SLC13A2: variants seen among roughly 807,000 people sequenced by gnomAD.
The protein encoded by SLC13A2 is Na(+)-coupled citrate transporter.
A neutral mutation model predicts 58.5 loss-of-function variants in SLC13A2; 40 were observed. That is an observed-to-expected ratio of 0.68 (90% CI 0.53 to 0.89). The LOEUF (loss-of-function observed/expected upper bound fraction) is 0.89. Ranked by LOEUF, SLC13A2 falls within the 40% of genes least tolerant of loss-of-function variation. The pLI is 0.00. For missense variants in SLC13A2, 694 were observed against 772.6 expected (o/e 0.90, Z 1.21); for synonymous variants, 341 against 331.6 (o/e 1.03, Z -0.31).
chr17:28,476,545 C>T (rs1297007160), intron 1 of SLC13A2, among the ~76,000 whole-genome samples: 4 of 152,014 alleles, frequency 2.6e-5, no homozygotes, highest in Non-Finnish European at 4.4e-5. Flanking sequence ...ACCTCTCGCT[C>T]ACTCTCCCCC....
rs1555604124 is a variant in SLC13A2 at position 28,493,999 on chromosome 17, C to T, written c.1098-18C>T. ...CAAGCGGCTAACCCAGCCCTCCCCG[C>T]GCCCCCTCCACCAACAGCATGGTGT... On this transcript the variant is annotated intron_variant, in intron 7 of 11. Coordinates refer to ENST00000314669, the MANE Select transcript of SLC13A2 (RefSeq NM_003984.4). The T allele has an allele frequency of 2.0e-5, 32 of 1,611,284 alleles. No homozygotes were observed. The highest frequency in any genetic ancestry group is 2.5e-5 in the Non-Finnish European group (30 of 1,177,672).
At chr17:28,479,334 C>T (rs2068742727) in intron 1 of SLC13A2, among the ~76,000 whole-genome samples, 1 of 152,198 alleles carries the variant, frequency 6.6e-6, no homozygotes, top group African/African-American at 2.4e-5. Context: ...AGGGATTAAG[C>T]AAGGCCAGTG....
chr17:28,476,611 A>G (rs562185735), intron 1 of SLC13A2, among the ~76,000 whole-genome samples: 1 of 151,196 alleles, frequency 6.6e-6, no homozygotes, highest in Admixed American at 6.6e-5. Context: ...TCTCCCAGAT[A>G]CCTCCTTCCT....
Position 28,490,908 on chromosome 17 carries a change from T to A in SLC13A2, c.574+2T>A. The A allele has an allele frequency of 6.2e-7, 1 of 1,610,780 alleles. No individual in the cohort carries two copies. The highest frequency in any genetic ancestry group is 8.5e-7 in the Non-Finnish European group (1 of 1,178,520). ...CCCAGAAGGAGGTGACCAAGCTTGG[T>A]GAGAAAAATGAGGCTAGACTCTGCC... On this transcript the variant is annotated splice_donor_variant, in intron 4 of 11. Transcript: ENST00000314669. LOFTEE classifies it high-confidence loss of function.
chr17:28,480,153 C>CAAAAA (rs782701132), intron 1 of SLC13A2, among the ~76,000 whole-genome samples: 1 of 125,420 alleles, frequency 8.0e-6, no homozygotes, highest in Non-Finnish European at 1.7e-5. Context: ...GACTCTGTCT[C>CAAAAA]AAAAAAAAAA....
intron 2 of SLC13A2, among the ~76,000 whole-genome samples, chr17:28,489,828 C>T (rs1408436029): frequency 6.6e-6 from 1 of 152,198 alleles, no homozygotes; most frequent in Non-Finnish European, 1.5e-5. Context: ...GAACCACTGT[C>T]TAGTTTTTAG....
intron 1 of SLC13A2, among the ~76,000 whole-genome samples, chr17:28,484,484 G>A (rs1298084533): frequency 5.9e-5 from 9 of 152,156 alleles, no homozygotes; most frequent in South Asian, 2.1e-4. Context: ...AAGGGGGAGA[G>A]TGTTAAGACA....
In SLC13A2 at chr17:28,477,350, C is replaced by T. The variant is rs532944809; in HGVS notation, c.102+3536C>T. Among the ~76,000 whole-genome samples the T allele has an allele frequency of 4.8e-3, 723 of 151,352 alleles. 4 individuals are homozygous for T. The highest frequency in any genetic ancestry group is 6.8e-3 in the Middle Eastern group (2 of 294). The stretch of plus-strand genomic sequence containing the variant: ...CTGGGACTACAGTCACCTGCCACCA[C>T]GCCCGGCTAATTTTTTTGTATTTTT... On this transcript the variant is annotated intron_variant, in intron 1 of 11. Coordinates refer to ENST00000314669, the MANE Select transcript of SLC13A2 (RefSeq NM_003984.4).
In SLC13A2 at chr17:28,496,694, C is replaced by A. The variant is rs573782297; in HGVS notation, c.1608+107C>A. 1 of 1,450,502 alleles carries A rather than the reference C, an allele frequency of 6.9e-7. No individual in the cohort carries two copies. The allele number at this position is 1,450,502 out of a possible 1,614,324, so 89.9% of individuals were successfully genotyped here. A position where few individuals can be genotyped will look rare whatever the true frequency, so the allele number is the denominator to read the frequency against. ...AGCCACTGAGAGTCTCAGAGTTGAGCGGGTCCTCATCTGGAATGAAGGTGC... is the reference window on the plus strand; with the variant it reads ...AGCCACTGAGAGTCTCAGAGTTGAGAGGGTCCTCATCTGGAATGAAGGTGC... On this transcript the variant is annotated intron_variant, in intron 11 of 11. Coordinates refer to ENST00000314669, the MANE Select transcript of SLC13A2 (RefSeq NM_003984.4). This position sits in a 1 kb window ranked among gnomAD's most constrained non-coding sequence, Gnocchi z 4.2.
At position 28,493,753 on chromosome 17, in the gene SLC13A2, G is replaced by C. The variant is rs782505534; in HGVS notation, c.1061G>C (p.Trp354Ser). The change falls in exon 7 of 12, where the codon TGG (tryptophan) becomes TCG (serine). Residue 354 changes from tryptophan (W) to serine (S), a missense_variant. Transcript: ENST00000314669. The part of the protein sequence containing the change: ...FTREPGFFLG[W>S]GNLAFPNAKG... ...CGGGAGCCGGGCTTTTTTCTTGGCTGGGGCAATTTGGCTTTTCCCAATGCC... is the reference window on the plus strand; with the variant it reads ...CGGGAGCCGGGCTTTTTTCTTGGCTCGGGCAATTTGGCTTTTCCCAATGCC... 2 of 1,614,182 alleles carry C rather than the reference G, an allele frequency of 1.2e-6. No individual in the cohort carries two copies. The highest frequency in any genetic ancestry group is 1.1e-5 in the South Asian group (1 of 91,080).
chr17:28,477,188 T>C (rs2068690759), intron 1 of SLC13A2, among the ~76,000 whole-genome samples: 1 of 114,394 alleles, frequency 8.7e-6, no homozygotes, highest in Non-Finnish European at 1.9e-5. Context: ...ACACCCAAGT[T>C]TTTTGTTTTT....
chr17:28,494,754 C>G lies in SLC13A2; in HGVS notation c.1308+242C>G, dbSNP rs193257748. On this transcript the variant is annotated intron_variant, in intron 9 of 11. Coordinates refer to ENST00000314669, the MANE Select transcript of SLC13A2 (RefSeq NM_003984.4). The surrounding 1 kb of genome is among the most constrained non-coding windows in gnomAD (Gnocchi z 4.0). ...AAAGTCCAAGGGAAGGCAGGATTCT[C>G]TGGTGGGCAGAGCCTGTTCTCAGAG... Among the ~76,000 whole-genome samples, 50 of 152,276 alleles carry G rather than the reference C, an allele frequency of 3.3e-4. 1 individual carries two copies. In the East Asian group the frequency reaches 9.7e-3, roughly 29 times the overall value.
chr17:28,486,843 G>A (rs1272762143), intron 1 of SLC13A2, among the ~76,000 whole-genome samples: 1 of 150,090 alleles, frequency 6.7e-6, no homozygotes, highest in Non-Finnish European at 1.5e-5. Flanking sequence ...TGCCCAGACT[G>A]GAGTAGTGCA....
At chr17:28,491,887 C>T (rs2069035032) in intron 6 of SLC13A2, 35 bp downstream of exon 6, 1 of 1,606,910 alleles carries the variant, frequency 6.2e-7, no homozygotes, top group Admixed American at 1.7e-5. Context: ...AGCCCAGGTC[C>T]CTGCCCTTAG....
chr17:28,473,859 G>A (rs782685065), intron 1 of SLC13A2, 45 bp downstream of exon 1: 1 of 1,549,456 alleles, frequency 6.5e-7, no homozygotes, highest in Non-Finnish European at 8.9e-7. Context: ...AGGGGGCAGA[G>A]GAGGGACTGT....
In SLC13A2 at chr17:28,491,567, C is replaced by T. The variant is rs782573424; in HGVS notation, c.705C>T (p.Ala235=). The T allele has an allele frequency of 4.3e-6, 7 of 1,613,692 alleles. No homozygotes were observed. The East Asian group carries it at 1.6e-4, about 36-fold the overall frequency. ...ACTCCGCCAGCATCGGGGGCATCGCCACGCTGACTGGCACCGCACCCAACC... is the reference window on the plus strand; with the variant it reads ...ACTCCGCCAGCATCGGGGGCATCGCTACGCTGACTGGCACCGCACCCAACC... The part of the protein sequence containing the change: ...VCYSASIGGI[A]TLTGTAPNLV... Residue 235 remains alanine (A), a synonymous_variant, in exon 5 of 12, where the codon GCC becomes GCT. Transcript: ENST00000314669.
intron 10 of SLC13A2, 129 bp downstream of exon 10, chr17:28,495,945 G>A (rs1389736556): frequency 2.5e-6 from 3 of 1,218,548 alleles, no homozygotes; most frequent in Non-Finnish European, 3.4e-6. Context: ...GGACCCCTGA[G>A]TTTCCATCCT....
chr17:28,490,942 T>G lies in SLC13A2; in HGVS notation c.574+36T>G, dbSNP rs782093177. ...TGAGGCTAGACTCTGCCCCAACCCCTTGGTTCTTGGAGAGAGTCTGAGGGT... is the reference window on the plus strand; with the variant it reads ...TGAGGCTAGACTCTGCCCCAACCCCGTGGTTCTTGGAGAGAGTCTGAGGGT... On this transcript the variant is annotated intron_variant, in intron 4 of 11. Transcript: ENST00000314669. 5 of 1,558,042 alleles carry G rather than the reference T, an allele frequency of 3.2e-6. No homozygotes were observed. In the South Asian group the frequency reaches 5.9e-5, roughly 19 times the overall value.
chr17:28,487,253 G>A (rs1176408367), intron 1 of SLC13A2, among the ~76,000 whole-genome samples: 1 of 152,110 alleles, frequency 6.6e-6, no homozygotes, highest in Non-Finnish European at 1.5e-5. Context: ...CTGGTCACAG[G>A]GAGCCTGAGG....
Sources: allele counts gnomAD v4.1 joint callset (sites outside exome capture counted in the v4.1 genomes callset), GRCh38; gene constraint gnomAD v4.1.1; non-coding constraint Gnocchi (gnomAD v3.1); transcripts MANE v1.5; gene names NCBI Gene and HGNC (gene_info 2026-07-23, HGNC 2026-07-21).